Variants in MACROD2 observed in about 807,000 individuals in gnomAD.
MACROD2 encodes the protein mono-ADP ribosylhydrolase 2, also known as ADP-ribose glycohydrolase MACROD2.
A neutral mutation model predicts 70.4 loss-of-function variants in MACROD2; 36 were observed. That is an observed-to-expected ratio of 0.51 (90% confidence interval 0.39 to 0.68). The LOEUF (loss-of-function observed/expected upper bound fraction) is 0.68, where lower values mean the gene tolerates loss of function less well. Ranked by LOEUF, MACROD2 falls within the 30% of genes least tolerant of loss-of-function variation. The probability of loss-of-function intolerance (pLI) is 0.00; values close to 1 mark genes in which losing one functional copy is unlikely to be tolerated. For missense variants in MACROD2, 496 were observed against 538.4 expected (o/e 0.92, Z 0.78); for synonymous variants, 172 against 178.8 (o/e 0.96, Z 0.30).
At chr20:14,003,529 G>A (rs2052765998) in intron 2 of MACROD2, 1 of 293,726 alleles carries the variant, frequency 3.4e-6, no homozygotes, top group Admixed American at 4.2e-5. Context: ...AATGCAAGTT[G>A]TTTTAAGAAT....
chr20:14,508,809 C>T (rs1411864600), intron 4 of MACROD2, among the ~76,000 whole-genome samples: 1 of 152,000 alleles, frequency 6.6e-6, no homozygotes, highest in African/African-American at 2.4e-5. Flanking sequence ...ATATGTTTAC[C>T]ACCCAGATTC....
intron 5 of MACROD2, among the ~76,000 whole-genome samples, chr20:14,989,160 T>G (rs1247344124): frequency 6.6e-6 from 1 of 152,200 alleles, no homozygotes; most frequent in African/African-American, 2.4e-5. Flanking sequence ...ACAATCCCAA[T>G]TATTTCATAT....
intron 5 of MACROD2, among the ~76,000 whole-genome samples, chr20:14,811,358 A>G (rs940394063): frequency 2.0e-5 from 3 of 152,118 alleles, no homozygotes; most frequent in African/African-American, 7.2e-5. Context: ...TATTTAATAA[A>G]TGGTGTTGGG....
chr20:14,047,972 G>T (rs764022261), intron 2 of MACROD2, among the ~76,000 whole-genome samples: 9 of 150,282 alleles, frequency 6.0e-5, no homozygotes, highest in Middle Eastern at 3.4e-3. Context: ...AACAGCAGGC[G>T]TACCCCTAAC....
At chr20:15,779,978 G>T (rs1278991991) in intron 8 of MACROD2, among the ~76,000 whole-genome samples, 1 of 151,982 alleles carries the variant, frequency 6.6e-6, no homozygotes, top group Non-Finnish European at 1.5e-5. Flanking sequence ...ATCAGAGCAT[G>T]GTTAGCACAT....
At chr20:14,800,493 A>G (rs1252882822) in intron 5 of MACROD2, among the ~76,000 whole-genome samples, 2 of 152,130 alleles carry the variant, frequency 1.3e-5, no homozygotes, top group Admixed American at 1.3e-4. Flanking sequence ...TTAAAAATAC[A>G]TTACATAGAC....
intron 4 of MACROD2, among the ~76,000 whole-genome samples, chr20:14,537,328 C>A (rs889708289): frequency 7.2e-5 from 11 of 152,104 alleles, no homozygotes; most frequent in South Asian, 2.1e-4. Context: ...TTTTAATGAG[C>A]AGATTAAGGA....
At chr20:14,617,184 A>C (rs927623110) in intron 4 of MACROD2, among the ~76,000 whole-genome samples, 4 of 151,970 alleles carry the variant, frequency 2.6e-5, no homozygotes, top group African/African-American at 9.7e-5. Context: ...TTGGGTGACA[A>C]CTCACTCTTC....
intron 4 of MACROD2, among the ~76,000 whole-genome samples, chr20:14,683,843 C>G (rs1250616016): frequency 6.6e-6 from 1 of 151,666 alleles, no homozygotes; most frequent in Non-Finnish European, 1.5e-5. Context: ...TCTCTCTTTT[C>G]CTTTATTTTA....
At chr20:15,999,913 A>G (rs1392626922) in intron 15 of MACROD2, among the ~76,000 whole-genome samples, 1 of 152,218 alleles carries the variant, frequency 6.6e-6, no homozygotes. Flanking sequence ...CTTTCTGGCC[A>G]TGCCACGGAG....
At chr20:15,767,670 T>A (rs2051550184) in intron 8 of MACROD2, among the ~76,000 whole-genome samples, 1 of 152,234 alleles carries the variant, frequency 6.6e-6, no homozygotes, top group Non-Finnish European at 1.5e-5. Context: ...TTGTGTTAGA[T>A]CACATTCATG....
chr20:15,735,631 C>T (rs528548361), intron 8 of MACROD2, among the ~76,000 whole-genome samples: 2 of 152,108 alleles, frequency 1.3e-5, no homozygotes, highest in Admixed American at 6.5e-5. Flanking sequence ...CAGGATATGC[C>T]GCTGTGTAAC....
chr20:15,155,330 CT>C (rs2076299585), intron 5 of MACROD2, among the ~76,000 whole-genome samples: 1 of 152,104 alleles, frequency 6.6e-6, no homozygotes, highest in South Asian at 2.1e-4. Context: ...TCATCTGGCC[CT>C]TGCCTCCCTT....
chr20:14,082,178 T>TTTC (rs2054004959), intron 2 of MACROD2, among the ~76,000 whole-genome samples: 2 of 1,436 alleles, frequency 1.4e-3, no homozygotes, highest in African/African-American at 7.1e-3. Context: ...TTTTTTTTTC[T>TTTC]TTTTTTTTTT....
chr20:15,900,930 T>C (rs1056928243), intron 10 of MACROD2, among the ~76,000 whole-genome samples: 1 of 152,176 alleles, frequency 6.6e-6, no homozygotes, highest in Non-Finnish European at 1.5e-5. Context: ...AGATGATTTA[T>C]GGAAAACACC....
intron 8 of MACROD2, among the ~76,000 whole-genome samples, chr20:15,829,788 T>A (rs1444800469): frequency 6.6e-6 from 1 of 152,036 alleles, no homozygotes; most frequent in Non-Finnish European, 1.5e-5. Context: ...GAATGAAAAA[T>A]TGCAAAACAA....
At chr20:14,922,897 G>A (rs990063954) in intron 5 of MACROD2, among the ~76,000 whole-genome samples, 1 of 152,170 alleles carries the variant, frequency 6.6e-6, no homozygotes, top group Admixed American at 6.5e-5. Flanking sequence ...ATTTTAAAAT[G>A]TGAATTATCA....
intron 13 of MACROD2, among the ~76,000 whole-genome samples, chr20:15,969,124 C>T (rs187994859): frequency 2.1e-3 from 323 of 152,040 alleles, no homozygotes; most frequent in African/African-American, 7.1e-3. Flanking sequence ...AGTAGATTGG[C>T]GGTGGACTGC....
intron 3 of MACROD2, chr20:14,329,408 A>G (rs538282745): frequency 1.3e-5 from 2 of 152,236 alleles, no homozygotes; most frequent in East Asian, 1.9e-4. Context: ...TTTAATTTCA[A>G]TGTCTTAAAA....
Sources: allele counts gnomAD v4.1 joint callset (sites outside exome capture counted in the v4.1 genomes callset), GRCh38; gene constraint gnomAD v4.1.1; transcripts MANE v1.5; gene names NCBI Gene and HGNC (gene_info 2026-07-23, HGNC 2026-07-21).